Variants in TSC22D1 observed in about 807,000 individuals in gnomAD.
TSC22D1 encodes TSC22 domain family protein 1.
In TSC22D1, 9 loss-of-function variants were observed where a neutral mutation model predicts 74.2. That is an observed-to-expected ratio of 0.12 (90% CI 0.07 to 0.21). The LOEUF (loss-of-function observed/expected upper bound fraction) is 0.21, where lower values mean the gene tolerates loss of function less well. Ranked by LOEUF, TSC22D1 falls within the 10% of genes least tolerant of loss-of-function variation. The pLI is 1.00. For missense variants in TSC22D1, 1,427 were observed against 1,304.7 expected, an observed-to-expected ratio of 1.09 and a Z score of -1.44; for synonymous variants, 586 against 492.5, an observed-to-expected ratio of 1.19 and a Z score of -2.51.
At chr13:44,506,399 G>A (rs971554434) in intron 1 of TSC22D1, among the ~76,000 whole-genome samples, 9 of 152,126 alleles carry the variant, frequency 5.9e-5, no homozygotes, top group East Asian at 1.9e-4. Context: ...ACCAAATGCC[G>A]CATGTTCTCG....
chr13:44,517,823 G>GTA (rs1366832172), intron 1 of TSC22D1, among the ~76,000 whole-genome samples: 1,198 of 35,590 alleles, frequency 0.034, 52 homozygotes, highest in African/African-American at 0.071. Flanking sequence ...GTGTGTGTGT[G>GTA]TGTGTGTATA....
At chr13:44,458,755 C>T (rs1342103063) in intron 1 of TSC22D1, among the ~76,000 whole-genome samples, 7 of 152,284 alleles carry the variant, frequency 4.6e-5, no homozygotes, top group East Asian at 1.9e-4. Context: ...CAAGCCTGGG[C>T]GCTGTCCGAC....
chr13:44,539,172 C>G (rs1320869673), intron 1 of TSC22D1: 7 of 985,208 alleles, frequency 7.1e-6, no homozygotes, highest in Non-Finnish European at 8.4e-6. Context: ...TTAAACATAG[C>G]TTTCAGGGAT....
rs536843581 is a variant in TSC22D1 at position 44,525,413 on chromosome 13, C to G, written c.2912+47750G>C. Among the ~76,000 whole-genome samples, 7 of 152,212 alleles carry G rather than the reference C, an allele frequency of 4.6e-5. No homozygotes were observed. The South Asian group carries it at 1.5e-3, about 32-fold the overall frequency. Reference sequence around the variant, plus strand: ...ACCAGCCTAGCAACACAGTGAGCCCCCACCTCTACAAAAATCAAAAGATAA... The same window carrying G: ...ACCAGCCTAGCAACACAGTGAGCCCGCACCTCTACAAAAATCAAAAGATAA... On this transcript the variant is annotated intron_variant, in intron 1 of 2. Coordinates refer to ENST00000458659, the MANE Select transcript of TSC22D1 (RefSeq NM_183422.4).
intron 1 of TSC22D1, among the ~76,000 whole-genome samples, chr13:44,489,909 T>C (rs1427734431): frequency 6.6e-6 from 1 of 151,980 alleles, no homozygotes; most frequent in Admixed American, 6.6e-5. Flanking sequence ...GGATGGAATG[T>C]GGAACAGCTG....
Position 44,575,611 on chromosome 13 carries a change from A to T in TSC22D1, c.464T>A (p.Leu155His). The T allele has an allele frequency of 6.2e-7, 1 of 1,614,148 alleles. No individual in the cohort carries two copies. The highest frequency in any genetic ancestry group is 8.5e-7 in the Non-Finnish European group (1 of 1,180,016). ...HTEDLSSSEI[L>H]DVSLSRATDL... Reference sequence around the variant, plus strand: ...AGTAGCCCTGGAAAGTGACACATCAAGGATCTCCGAAGAAGAGAGATCTTC... The same window carrying T: ...AGTAGCCCTGGAAAGTGACACATCATGGATCTCCGAAGAAGAGAGATCTTC... Residue 155 changes from leucine to histidine, a missense_variant, in exon 1 of 3, where the codon CTT (leucine) becomes CAT (histidine). Physicochemically the swap from Leu to His is moderately conservative, Grantham distance 99 (BLOSUM62 -3). This residue lies in a region of TSC22D1 where 1,343 missense variants were observed against 1,191.5 expected (regional missense o/e 1.13). Transcript: ENST00000458659.
chr13:44,447,833 CTTTTTT>C (rs5803260), intron 1 of TSC22D1, among the ~76,000 whole-genome samples: 5 of 129,466 alleles, frequency 3.9e-5, no homozygotes, highest in Admixed American at 8.0e-5. Context: ...AATGCCTTTT[CTTTTTT>C]TTTTTTTTTT....
rs555679546 is a variant in TSC22D1, at chr13:44,447,233, C to T, written c.2913-11138G>A. Among the ~76,000 whole-genome samples the T allele has an allele frequency of 2.1e-4, 32 of 152,124 alleles. No individual in the cohort carries two copies. In the South Asian group the frequency reaches 5.2e-3, roughly 25 times the overall value. On this transcript the variant is annotated intron_variant, in intron 1 of 2. Transcript: ENST00000458659. ...TCCTGGGCTCAGGCAGTCCTCCCAC[C>T]TTAGCCTTCCAAAGTGTTGAGATTA...
intron 1 of TSC22D1, among the ~76,000 whole-genome samples, chr13:44,546,244 T>C (rs1270067096): frequency 6.6e-6 from 1 of 152,166 alleles, no homozygotes; most frequent in Non-Finnish European, 1.5e-5. Flanking sequence ...AATAAGATTA[T>C]TTACACAGTC....
chr13:44,569,630 G>A (rs1184084143), intron 1 of TSC22D1, among the ~76,000 whole-genome samples: 1 of 152,138 alleles, frequency 6.6e-6, no homozygotes, highest in Admixed American at 6.5e-5. Context: ...ACACACATGC[G>A]TCTTAAATAT....
chr13:44,501,735 C>T (rs939270864), intron 1 of TSC22D1, among the ~76,000 whole-genome samples: 1 of 152,132 alleles, frequency 6.6e-6, no homozygotes, highest in Non-Finnish European at 1.5e-5. Context: ...AGCATATTAC[C>T]TGTATCAAAG....
chr13:44,554,676 T>C (rs1882513936), intron 1 of TSC22D1, among the ~76,000 whole-genome samples: 1 of 147,886 alleles, frequency 6.8e-6, no homozygotes, highest in Non-Finnish European at 1.5e-5. Flanking sequence ...AAAAACCTTC[T>C]AGGCTAAAAG....
intron 1 of TSC22D1, among the ~76,000 whole-genome samples, chr13:44,446,420 T>A (rs909626680): frequency 1.1e-4 from 16 of 151,852 alleles, no homozygotes; most frequent in African/African-American, 3.9e-4. Context: ...TGTAGTGGTG[T>A]TATGCCCACT....
chr13:44,522,178 GT>G (rs1880348238), intron 1 of TSC22D1, among the ~76,000 whole-genome samples: 1 of 152,164 alleles, frequency 6.6e-6, no homozygotes, highest in Non-Finnish European at 1.5e-5. Context: ...GGGCATTCCA[GT>G]CATTAGGAAT....
At chr13:44,436,883 A>C in intron 1 of TSC22D1, 1 of 1,168,888 alleles carries the variant, frequency 8.6e-7, no homozygotes, top group Non-Finnish European at 1.1e-6. Flanking sequence ...TTAGTGCAAA[A>C]TATATGCAGG....
chr13:44,510,103 G>A lies in TSC22D1; in HGVS notation c.2912+63060C>T, dbSNP rs141619278. On this transcript the variant is annotated intron_variant, in intron 1 of 2. Coordinates refer to ENST00000458659, the MANE Select transcript of TSC22D1 (RefSeq NM_183422.4). The stretch of plus-strand genomic sequence containing the variant: ...GGAGTCTTAAAAATGTTTATACTCC[G>A]CTAGGCACGGTGGCTCACACCTGTA... 5.4e-3 allele frequency among the ~76,000 whole-genome samples: 821 copies of A among 151,812 alleles called. 15 individuals carry two copies. The highest frequency in any genetic ancestry group is 4.6e-3 in the Non-Finnish European group (311 of 67,948).
intron 1 of TSC22D1, among the ~76,000 whole-genome samples, chr13:44,521,950 T>TAA (rs112364466): frequency 1.6e-4 from 24 of 151,966 alleles, no homozygotes; most frequent in African/African-American, 5.6e-4. Flanking sequence ...TAGCAGCTGC[T>TAA]AAAAAAAACA....
chr13:44,518,320 C>T (rs1156374997), intron 1 of TSC22D1, among the ~76,000 whole-genome samples: 2 of 152,052 alleles, frequency 1.3e-5, no homozygotes, highest in Non-Finnish European at 2.9e-5. Flanking sequence ...CAAACTGTGT[C>T]ATCCCTCAAA....
chr13:44,526,273 T>C (rs1880542532), intron 1 of TSC22D1, among the ~76,000 whole-genome samples: 1 of 152,190 alleles, frequency 6.6e-6, no homozygotes, highest in African/African-American at 2.4e-5. Flanking sequence ...CTAAGGGCTC[T>C]AGTGGAAAAA....
Sources: allele counts gnomAD v4.1 joint callset (sites outside exome capture counted in the v4.1 genomes callset), GRCh38; gene constraint gnomAD v4.1.1; regional missense constraint gnomAD v4.1.1; transcripts MANE v1.5; gene names NCBI Gene and HGNC (gene_info 2026-07-23, HGNC 2026-07-21).